The following LONRF3 variants were observed in gnomAD, a reference collection of about 807,000 sequenced individuals.
LONRF3 encodes the protein LON peptidase N-terminal domain and ring finger 3.
In LONRF3, 19 loss-of-function variants were observed where a neutral mutation model predicts 51.7. The observed-to-expected ratio is 0.37, with a 90% CI of 0.26 to 0.54. The LOEUF (loss-of-function observed/expected upper bound fraction) is 0.54. Among genes scored for constraint, LONRF3 ranks in the 20% least tolerant of loss-of-function variants. LONRF3 has a pLI of 0.86. For synonymous variants in LONRF3, 265 were observed against 257.8 expected, an observed-to-expected ratio of 1.03 and a Z score of -0.27; for missense variants, 521 against 623.9, an observed-to-expected ratio of 0.84 and a Z score of 1.76.
intron 5 of LONRF3, among the ~76,000 whole-genome samples, chrX:118,990,960 C>T (rs756609365): frequency 5.4e-5 from 6 of 111,489 alleles, no homozygotes; most frequent in African/African-American, 1.6e-4. Context: ...CCAGTTCAAG[C>T]GATTCACGTG....
intron 1 of LONRF3, 73 bp from the exon 2 acceptor site, chrX:118,978,272 A>T: frequency 1.6e-6 from 1 of 629,971 alleles, no homozygotes; most frequent in South Asian, 2.5e-5. Flanking sequence ...CTCAAGATCC[A>T]TACTCATACA....
rs906837252 is a variant in LONRF3 at position 118,975,037 on chromosome X, C to T, written c.257C>T (p.Ala86Val). Reference protein sequence around the residue: ...ALASRGRIREALEVYRQLSER... With the variant: ...ALASRGRIREVLEVYRQLSER... ...GCGTCCCGGGGGCGAATCCGTGAAG[C>T]CCTCGAGGTGTATAGACAGCTCTCC... The change falls in exon 1 of 11, where the codon GCC (alanine) becomes GTC (valine). Residue 86 changes from alanine to valine, a missense_variant. By Grantham distance (64) the Ala-to-Val change is moderately conservative (BLOSUM62 0). Transcript: ENST00000371628. 6.8e-6 allele frequency: 8 copies of T among 1,172,902 alleles called. No homozygotes were observed. In the African/African-American group the frequency reaches 1.1e-4, roughly 16 times the overall value.
At chrX:118,994,198 C>T (rs1923651130) in intron 5 of LONRF3, among the ~76,000 whole-genome samples, 1 of 111,800 alleles carries the variant, frequency 8.9e-6, no homozygotes, top group African/African-American at 3.3e-5. Flanking sequence ...CATTTCAATA[C>T]TAACAATGTA....
In LONRF3 at chrX:119,009,169, A is replaced by C. The variant is rs764669960; in HGVS notation, c.1574A>C (p.Glu525Ala). The change falls in exon 7 of 11, where the codon GAG becomes GCG. Residue 525 changes from glutamate (E) to alanine (A), a missense_variant. Glu to Ala is a moderately radical substitution (Grantham distance 107). Around this residue, in one of 2 missense-constraint regions of LONRF3, gnomAD observed 145 missense variants for 247.2 expected, o/e 0.59. Coordinates refer to ENST00000371628, the MANE Select transcript of LONRF3 (RefSeq NM_001031855.3). Reference sequence around the variant, plus strand: ...TACAGCAAAAATGTAATAATGGAGGAGCTCATAGCTAAATTCCTTCCAGAA... The same window carrying C: ...TACAGCAAAAATGTAATAATGGAGGCGCTCATAGCTAAATTCCTTCCAGAA... ...RKYSKNVIME[E>A]LIAKFLPEEL... 2 of 1,208,657 alleles carry C rather than the reference A, an allele frequency of 1.7e-6. No individual in the cohort carries two copies. The highest frequency in any genetic ancestry group is 2.2e-6 in the Non-Finnish European group (2 of 894,246).
rs138746007 is a variant in LONRF3, at chrX:118,988,657, G to C, written c.1060-751G>C. On this transcript the variant is annotated intron_variant, in intron 3 of 10. Transcript: ENST00000371628. ...ACCTATGGACTATGGGTTTAGATTAGAGAGGGGTTCTCCATGTAAATCTGC... is the reference window on the plus strand; with the variant it reads ...ACCTATGGACTATGGGTTTAGATTACAGAGGGGTTCTCCATGTAAATCTGC... 3.1e-3 allele frequency among the ~76,000 whole-genome samples: 347 copies of C among 111,482 alleles called. 1 individual carries two copies. The highest frequency in any genetic ancestry group is 0.011 in the African/African-American group (336 of 30,661).
At chrX:118,990,731 G>C (rs3827453) in intron 5 of LONRF3, among the ~76,000 whole-genome samples, 171 bp downstream of exon 5, 39,067 of 111,045 alleles carry the variant, frequency 0.35, 5,116 homozygotes, top group East Asian at 0.46. Flanking sequence ...CCCCTTCCCA[G>C]AGACTGCATT....
rs201820738 is a variant in LONRF3 at position 118,989,437 on chromosome X, T to A, written c.1089T>A (p.Ser363Arg). ...ATCTGGAGCTCCCACATTGTTCTAGTCAGGAGGAAGCAGCAGCCAGGGGAG... is the reference window on the plus strand; with the variant it reads ...ATCTGGAGCTCCCACATTGTTCTAGACAGGAGGAAGCAGCAGCCAGGGGAG... The part of the protein sequence containing the change: ...RDNLELPHCS[S>R]QEEAAARGDG... The change falls in exon 4 of 11, where the codon AGT (serine) becomes AGA (arginine). Residue 363 changes from serine (S) to arginine (R), a missense_variant. By Grantham distance (110) the Ser-to-Arg change is moderately radical. Transcript: ENST00000371628. 8 of 1,208,814 alleles carry A rather than the reference T, an allele frequency of 6.6e-6. No individual in the cohort carries two copies. The highest frequency in any genetic ancestry group is 2.3e-4 in the Middle Eastern group (1 of 4,312).
At chrX:118,979,631 G>C (rs1357850710) in intron 2 of LONRF3, among the ~76,000 whole-genome samples, 1 of 111,663 alleles carries the variant, frequency 9.0e-6, no homozygotes, top group African/African-American at 3.3e-5. Flanking sequence ...ATTTTCCAGG[G>C]ACATTAGAAA....
intron 3 of LONRF3, chrX:118,987,074 G>A (rs1488091396): frequency 8.7e-7 from 1 of 1,153,079 alleles, no homozygotes; most frequent in Admixed American, 2.6e-5. Flanking sequence ...TACCAAGGTT[G>A]TTACAGGTAA....
At chrX:119,003,006 G>T (rs750196262) in intron 5 of LONRF3, among the ~76,000 whole-genome samples, 100 of 109,894 alleles carry the variant, frequency 9.1e-4, no homozygotes, top group Non-Finnish European at 2.3e-4. Flanking sequence ...CTGGTCTTGA[G>T]CTCCTCACCC....
At chrX:118,995,817 A>G (rs940904066) in intron 5 of LONRF3, among the ~76,000 whole-genome samples, 1 of 112,373 alleles carries the variant, frequency 8.9e-6, no homozygotes, top group African/African-American at 3.2e-5. Flanking sequence ...GAACAGACCA[A>G]TAACAAGCAG....
Position 119,017,788 on chromosome X carries a change from G to C in LONRF3, c.*98G>C. ...AATTGCAATAATATCTTAACAGAAG[G>C]GGGTGTCAAACAGAGGCATCAGCCT... On this transcript the variant is annotated 3_prime_UTR_variant, in exon 11 of 11. Transcript: ENST00000371628. The C allele has an allele frequency of 1.2e-6, 1 of 854,667 alleles. No individual in the cohort carries two copies. Among genetic ancestry groups the C allele is most frequent in the Non-Finnish European group, 1.6e-6 (1 of 623,419 alleles). The allele number at this position is 854,667 out of a possible 1,213,427, so 70.4% of individuals were successfully genotyped here. A position where few individuals can be genotyped will look rare whatever the true frequency, so the allele number is the denominator to read the frequency against.
At chrX:119,003,113 A>G (rs1225329910) in intron 5 of LONRF3, among the ~76,000 whole-genome samples, 1 of 111,921 alleles carries the variant, frequency 8.9e-6, no homozygotes, top group Non-Finnish European at 1.9e-5. Context: ...AGTCAAAATT[A>G]TCAATCTTTT....
At chrX:119,002,909 C>G (rs988969368) in intron 5 of LONRF3, among the ~76,000 whole-genome samples, 5 of 110,657 alleles carry the variant, frequency 4.5e-5, no homozygotes, top group Middle Eastern at 4.7e-3. Flanking sequence ...AGCGATTCTC[C>G]TGTCTCAGCC....
intron 5 of LONRF3, among the ~76,000 whole-genome samples, chrX:118,998,097 T>C (rs750614862): frequency 1.6e-4 from 18 of 112,533 alleles, no homozygotes; most frequent in African/African-American, 4.5e-4. Flanking sequence ...AACTGCCATT[T>C]GATCCAGCAA....
rs541693076 is a variant in LONRF3 at position 118,978,945 on chromosome X, CCCTT to C, written c.936+503_936+506del. On this transcript the variant is annotated intron_variant, in intron 2 of 10. Coordinates refer to ENST00000371628, the MANE Select transcript of LONRF3 (RefSeq NM_001031855.3). ...GCACTATATAAACGTTCTCTTTCTT[CCCTT>C]CCTTCCTTCCTTCCTTCCTTTCTCT... Among the ~76,000 whole-genome samples the C allele has an allele frequency of 3.2e-3, 350 of 108,012 alleles. 1 individual carries two copies. The highest frequency in any genetic ancestry group is 0.014 in the South Asian group (34 of 2,488). The allele number at this position is 108,012 out of a possible 115,157, so 93.8% of individuals were successfully genotyped here. A position where few individuals can be genotyped will look rare whatever the true frequency, so the allele number is the denominator to read the frequency against.
At chrX:118,989,695 A>G in intron 4 of LONRF3, 23 bp downstream of exon 4, 1 of 1,195,960 alleles carries the variant, frequency 8.4e-7, no homozygotes, top group Non-Finnish European at 1.1e-6. Context: ...CCCAGAGAGA[A>G]GGTAGCTTGG....
chrX:119,013,179 T>C lies in LONRF3; in HGVS notation c.1952T>C (p.Ile651Thr), dbSNP rs1439486241. ...CGGGATGGCTACAACACAGCCGACA[T>C]TGAATACATTGAAGACCAAAAGGTA... ...SQRDGYNTAD[I>T]EYIEDQKVQG... The change falls in exon 9 of 11, where the codon ATT (isoleucine) becomes ACT (threonine). Residue 651 changes from isoleucine to threonine, a missense_variant. Transcript: ENST00000371628. The C allele has an allele frequency of 8.3e-7, 1 of 1,209,425 alleles. No individual in the cohort carries two copies. The highest frequency in any genetic ancestry group is 1.1e-6 in the Non-Finnish European group (1 of 894,918).
At chrX:118,997,076 T>C (rs1326458465) in intron 5 of LONRF3, among the ~76,000 whole-genome samples, 1 of 110,320 alleles carries the variant, frequency 9.1e-6, no homozygotes, top group African/African-American at 3.3e-5. Flanking sequence ...ATCTACAAAT[T>C]CAGTGCAATC....
Sources: allele counts gnomAD v4.1 joint callset (sites outside exome capture counted in the v4.1 genomes callset), GRCh38; gene constraint gnomAD v4.1.1; regional missense constraint gnomAD v4.1.1; transcripts MANE v1.5; gene names NCBI Gene and HGNC (gene_info 2026-07-23, HGNC 2026-07-21).